The following SAMD3 variants were observed in gnomAD, a reference collection of about 807,000 sequenced individuals.
SAMD3 encodes the protein sterile alpha motif domain-containing protein 3.
SAMD3 carries 63 observed loss-of-function variants against 58.5 expected under a neutral mutation model. The ratio of observed to expected loss-of-function variants is 1.08; its 90% CI spans 0.88 to 1.33. SAMD3 has a LOEUF of 1.33. SAMD3 is among the 40% of genes most tolerant of loss of function. The pLI is 0.00. For synonymous variants in SAMD3, 220 were observed against 210.3 expected (o/e 1.05, Z -0.40); for missense variants, 604 against 608.4 (o/e 0.99, Z 0.08).
intron 1 of SAMD3, among the ~76,000 whole-genome samples, chr6:130,361,820 G>A (rs559643740): frequency 2.0e-5 from 3 of 152,120 alleles, no homozygotes; most frequent in Non-Finnish European, 4.4e-5. Flanking sequence ...TCTTGGGTTG[G>A]GGAAGTATCA....
At chr6:130,221,145 C>T (rs187043151) in intron 1 of SAMD3, among the ~76,000 whole-genome samples, 209 of 152,262 alleles carry the variant, frequency 1.4e-3, no homozygotes, top group African/African-American at 4.6e-3. Context: ...TGAGCCACCA[C>T]GCCCAGCCAG....
At chr6:130,226,721 C>T (rs1796391225), upstream of SAMD3, among the ~76,000 whole-genome samples, 1 of 152,038 alleles carries the variant, frequency 6.6e-6, no homozygotes, top group Non-Finnish European at 1.5e-5. Flanking sequence ...GTCAGTGTAG[C>T]TTTTCTGTAG....
intron 1 of SAMD3, among the ~76,000 whole-genome samples, chr6:130,343,943 C>T (rs1410799538): frequency 4.7e-5 from 7 of 149,396 alleles, no homozygotes; most frequent in Middle Eastern, 3.4e-3. Flanking sequence ...CCAGCCTGGG[C>T]GACAAAGTGA....
intron 2 of SAMD3, chr6:130,215,735 T>C (rs1432508030): frequency 6.7e-7 from 1 of 1,490,770 alleles, no homozygotes; most frequent in African/African-American, 1.4e-5. Context: ...GGAGGAAGGA[T>C]CAGATAAAAG....
chr6:130,151,735 C>T (rs1789210642), intron 9 of SAMD3, among the ~76,000 whole-genome samples: 1 of 152,202 alleles, frequency 6.6e-6, no homozygotes, highest in African/African-American at 2.4e-5. Flanking sequence ...GCCACCATGC[C>T]TGGCCGATTT....
intron 8 of SAMD3, among the ~76,000 whole-genome samples, chr6:130,164,134 A>C (rs1790514207): frequency 6.6e-6 from 1 of 151,306 alleles, no homozygotes; most frequent in Non-Finnish European, 1.5e-5. Context: ...AGAAATTGCC[A>C]TGTTGTTCCA....
chr6:130,170,684 AG>A (rs1791170083), intron 8 of SAMD3, among the ~76,000 whole-genome samples: 2 of 152,038 alleles, frequency 1.3e-5, no homozygotes, highest in Non-Finnish European at 2.9e-5. Context: ...TTGTATTCCT[AG>A]GTATTTTATT....
chr6:130,147,685 C>T (rs527447546), intron 9 of SAMD3, among the ~76,000 whole-genome samples: 3 of 152,258 alleles, frequency 2.0e-5, no homozygotes, highest in Admixed American at 2.0e-4. Context: ...TCAGGAAAAT[C>T]TACTACACAT....
chr6:130,173,326 T>G (rs1791419068), intron 8 of SAMD3, among the ~76,000 whole-genome samples: 1 of 152,258 alleles, frequency 6.6e-6, no homozygotes, highest in Non-Finnish European at 1.5e-5. Context: ...CATGGATTTA[T>G]CTACCTTTGA....
chr6:130,146,547 T>TGA (rs1788641994), intron 9 of SAMD3, among the ~76,000 whole-genome samples: 5 of 152,240 alleles, frequency 3.3e-5, no homozygotes. Flanking sequence ...TGTTATGTCT[T>TGA]GTTCAACAAG....
chr6:130,199,976 C>T (rs11154531), intron 5 of SAMD3, among the ~76,000 whole-genome samples: 4 of 151,972 alleles, frequency 2.6e-5, no homozygotes, highest in Admixed American at 1.3e-4. Flanking sequence ...AGAGATGTGA[C>T]CAGCATCAGG....
At chr6:130,273,545 G>T (rs960148015) in intron 2 of SAMD3, among the ~76,000 whole-genome samples, 7 of 151,624 alleles carry the variant, frequency 4.6e-5, no homozygotes, top group African/African-American at 1.7e-4. Flanking sequence ...GTTGTTTCCT[G>T]CTTTGTAGTT....
chr6:130,198,172 T>C (rs897115564), intron 5 of SAMD3, among the ~76,000 whole-genome samples: 2 of 152,144 alleles, frequency 1.3e-5, no homozygotes, highest in African/African-American at 2.4e-5. Flanking sequence ...TAAACAGCCA[T>C]GTTGCTCACA....
At chr6:130,259,644 A>G (rs575513774) in intron 2 of SAMD3, among the ~76,000 whole-genome samples, 35 of 152,342 alleles carry the variant, frequency 2.3e-4, no homozygotes, top group African/African-American at 8.4e-4. Context: ...TACCCGATTT[A>G]GAGGAAAAGG....
At chr6:130,348,582 T>C (rs1303251935) in intron 1 of SAMD3, among the ~76,000 whole-genome samples, 34 of 152,074 alleles carry the variant, frequency 2.2e-4, no homozygotes, top group Non-Finnish European at 4.4e-4. Context: ...ATAAAGCAAG[T>C]CCTTAGAGAC....
intron 8 of SAMD3, among the ~76,000 whole-genome samples, chr6:130,166,096 C>G (rs1257497493): frequency 6.6e-6 from 1 of 152,182 alleles, no homozygotes; most frequent in African/African-American, 2.4e-5. Context: ...GGCCGATGCT[C>G]AGAACCTTCT....
chr6:130,344,825 C>CAAAAAAAAAAAAAAAAAA (rs56795907), intron 1 of SAMD3, among the ~76,000 whole-genome samples: 26 of 41,106 alleles, frequency 6.3e-4, no homozygotes, highest in East Asian at 1.9e-3. Context: ...ACAACAACAG[C>CAAAAAAAAAAAAAAAAAA]AAAAAAAAAA....
intron 2 of SAMD3, among the ~76,000 whole-genome samples, chr6:130,259,865 A>G (rs1464125445): frequency 6.6e-6 from 1 of 152,154 alleles, no homozygotes; most frequent in Non-Finnish European, 1.5e-5. Context: ...AACTTAATCC[A>G]CTGAAATTGT....
At chr6:130,204,833 GA>G (rs536610890) in intron 5 of SAMD3, among the ~76,000 whole-genome samples, 48 of 144,532 alleles carry the variant, frequency 3.3e-4, no homozygotes, top group Middle Eastern at 3.5e-3. Context: ...GGGAACAGAG[GA>G]AAAAAAAAAT....
Sources: allele counts gnomAD v4.1 joint callset (sites outside exome capture counted in the v4.1 genomes callset), GRCh38; gene constraint gnomAD v4.1.1; transcripts MANE v1.5; gene names NCBI Gene and HGNC (gene_info 2026-07-23, HGNC 2026-07-21).